The following CDH2 variants were observed in gnomAD, a reference collection of about 807,000 sequenced individuals.
The protein encoded by CDH2 is cadherin 2, also known as cadherin-2.
Under a neutral mutation model 92.0 loss-of-function variants are expected in CDH2, and 17 were observed. The observed-to-expected ratio is 0.18, with a 90% CI of 0.13 to 0.28. The LOEUF is 0.28. Among genes scored for constraint, CDH2 ranks in the 10% least tolerant of loss-of-function variants. The pLI is 1.00. For synonymous variants in CDH2, 419 were observed against 415.9 expected, an observed-to-expected ratio of 1.01 and a Z score of -0.09; for missense variants, 862 against 1,133.1, an observed-to-expected ratio of 0.76 and a Z score of 3.44.
intron 15 of CDH2, among the ~76,000 whole-genome samples, chr18:27,956,711 A>G (rs954819178): frequency 6.6e-6 from 1 of 152,172 alleles, no homozygotes; most frequent in Non-Finnish European, 1.5e-5. Flanking sequence ...ACTGCTCTCT[A>G]TGACTCCTTC....
chr18:27,973,657 G>A (rs977099716), intron 14 of CDH2, among the ~76,000 whole-genome samples: 2 of 152,134 alleles, frequency 1.3e-5, no homozygotes, highest in Admixed American at 6.5e-5. Flanking sequence ...CTAAATTCAA[G>A]TACCTAACCT....
chr18:28,060,087 A>G (rs773652506), intron 2 of CDH2, among the ~76,000 whole-genome samples: 33 of 152,280 alleles, frequency 2.2e-4, no homozygotes, highest in African/African-American at 7.2e-4. Context: ...ATAACAACGC[A>G]TAACAGATAG....
At chr18:28,159,248 G>A (rs912358502) in intron 1 of CDH2, 1 of 152,148 alleles carries the variant, frequency 6.6e-6, no homozygotes. Context: ...AAAGAAGCTT[G>A]GTGATCTCAT....
At chr18:28,099,449 A>G (rs1299322424) in intron 2 of CDH2, among the ~76,000 whole-genome samples, 2 of 152,184 alleles carry the variant, frequency 1.3e-5, no homozygotes, top group African/African-American at 4.8e-5. Context: ...CAATGATGTC[A>G]TATCTTACAT....
rs1555627040 is a variant in CDH2, at chr18:27,951,080, CT to C, written c.*1072del. 1.6e-4 allele frequency: 23 copies of C among 144,356 alleles called. No individual in the cohort carries two copies. The highest frequency in any genetic ancestry group is 1.3e-3 in the South Asian group (6 of 4,538). The allele number at this position is 144,356 out of a possible 1,614,324, so 8.9% of individuals were successfully genotyped here. A position where few individuals can be genotyped will look rare whatever the true frequency, so the allele number is the denominator to read the frequency against. On this transcript the variant is annotated 3_prime_UTR_variant, in exon 16 of 16. Transcript: ENST00000269141. ...GTCAGAAGTCTCTCCAGTTTAAAAGCTTTTTTTTTTCCATTTTTTTTTTAAA... is the reference window on the plus strand; with the variant it reads ...GTCAGAAGTCTCTCCAGTTTAAAAGCTTTTTTTTTCCATTTTTTTTTTAAA...
intron 1 of CDH2, among the ~76,000 whole-genome samples, chr18:28,148,007 A>C (rs1568017021): frequency 6.6e-6 from 1 of 152,216 alleles, no homozygotes; most frequent in Non-Finnish European, 1.5e-5. Flanking sequence ...GTAAAAGCGA[A>C]ATAATACACA....
chr18:28,084,726 G>A (rs2014894889), intron 2 of CDH2, among the ~76,000 whole-genome samples: 1 of 151,996 alleles, frequency 6.6e-6, no homozygotes, highest in African/African-American at 2.4e-5. Context: ...CCTAAACTTG[G>A]GATCAATACA....
At chr18:27,996,311 T>C (rs2086713453) in intron 7 of CDH2, among the ~76,000 whole-genome samples, 1 of 152,098 alleles carries the variant, frequency 6.6e-6, no homozygotes, top group African/African-American at 2.4e-5. Flanking sequence ...AACTAAGCAC[T>C]CCTTAGTTGT....
chr18:28,129,757 A>G (rs2015735429), intron 2 of CDH2, among the ~76,000 whole-genome samples: 1 of 152,210 alleles, frequency 6.6e-6, no homozygotes, highest in African/African-American at 2.4e-5. Context: ...TGAGCTCAGG[A>G]GGCTGCAGCT....
chr18:28,075,845 C>T (rs758876869), intron 2 of CDH2, among the ~76,000 whole-genome samples: 22 of 152,106 alleles, frequency 1.4e-4, no homozygotes, highest in Non-Finnish European at 2.4e-4. Flanking sequence ...ATTTCTCATA[C>T]GGTACTCTGG....
At chr18:27,960,243 GTTC>G (rs2143877200) in intron 15 of CDH2, among the ~76,000 whole-genome samples, 1 of 152,244 alleles carries the variant, frequency 6.6e-6, no homozygotes, top group East Asian at 1.9e-4. Context: ...AGGGAGGTGA[GTTC>G]TGGGTACCAT....
chr18:28,155,826 A>G (rs901639929), intron 1 of CDH2, among the ~76,000 whole-genome samples: 2 of 152,192 alleles, frequency 1.3e-5, no homozygotes, highest in Admixed American at 6.5e-5. Flanking sequence ...ACAGGATTCC[A>G]TCCATGATGT....
intron 2 of CDH2, among the ~76,000 whole-genome samples, chr18:28,061,379 C>T (rs181822853): frequency 6.6e-6 from 1 of 152,222 alleles, no homozygotes; most frequent in East Asian, 1.9e-4. Flanking sequence ...CATGGTGGCT[C>T]ATGCCTGAAA....
At chr18:28,015,481 C>A (rs2144042440) in intron 2 of CDH2, among the ~76,000 whole-genome samples, 1 of 152,220 alleles carries the variant, frequency 6.6e-6, no homozygotes, top group Non-Finnish European at 1.5e-5. Context: ...ACAATGCCAT[C>A]TACTGCTCAT....
intron 2 of CDH2, among the ~76,000 whole-genome samples, chr18:28,067,889 A>G: frequency 6.6e-6 from 1 of 152,176 alleles, no homozygotes; most frequent in East Asian, 1.9e-4. Flanking sequence ...ATAATGATAA[A>G]TTATCTAGTT....
rs2012454091 is a variant in CDH2, at chr18:27,992,652, T to C, written c.1344+3A>G. 1.9e-6 allele frequency: 3 copies of C among 1,609,206 alleles called. No homozygotes were observed. The Admixed American group carries it at 5.0e-5, about 27-fold the overall frequency. On this transcript the variant is annotated splice_donor_region_variant and intron_variant, in intron 9 of 15. Transcript: ENST00000269141. The stretch of plus-strand genomic sequence containing the variant: ...AGAGATCAGTGGCCCGAGGAACACT[T>C]ACTTTGACCACGGTGACTAACCCGT...
At chr18:27,993,753 T>C in intron 7 of CDH2, 116 bp from the exon 8 acceptor site, 1 of 778,906 alleles carries the variant, frequency 1.3e-6, no homozygotes, top group Non-Finnish European at 2.1e-6. Flanking sequence ...TTCATTCTGA[T>C]TAACATGACT....
At chr18:28,142,501 A>AC (rs2015970560) in intron 2 of CDH2, among the ~76,000 whole-genome samples, 1 of 151,890 alleles carries the variant, frequency 6.6e-6, no homozygotes, top group Non-Finnish European at 1.5e-5. Context: ...AAAAAAAAAA[A>AC]CAAGAAGGAT....
intron 7 of CDH2, among the ~76,000 whole-genome samples, chr18:27,995,733 C>T (rs1414672577): frequency 2.0e-5 from 3 of 152,088 alleles, no homozygotes; most frequent in African/African-American, 7.2e-5. Context: ...TTTCTTATTG[C>T]TGCAAGCTAG....
Sources: allele counts gnomAD v4.1 joint callset (sites outside exome capture counted in the v4.1 genomes callset), GRCh38; gene constraint gnomAD v4.1.1; transcripts MANE v1.5; gene names NCBI Gene and HGNC (gene_info 2026-07-23, HGNC 2026-07-21).